Variants in GALK2 observed in about 807,000 individuals in gnomAD.
GALK2 encodes galactokinase 2.
A neutral mutation model predicts 52.4 loss-of-function variants in GALK2; 36 were observed. The ratio of observed to expected loss-of-function variants is 0.69; its 90% CI spans 0.53 to 0.91. The LOEUF is 0.91. Among genes scored for constraint, GALK2 ranks in the 40% least tolerant of loss-of-function variants. The probability of loss-of-function intolerance (pLI) is 0.00; values close to 1 mark genes in which losing one functional copy is unlikely to be tolerated. For synonymous variants in GALK2, 176 were observed against 199.1 expected (o/e 0.88, Z 0.98); for missense variants, 579 against 559.1 (o/e 1.04, Z -0.36).
At chr15:49,345,368 CATG>C (rs75715108) in intron 3 of GALK2, among the ~76,000 whole-genome samples, 8,435 of 152,218 alleles carry the variant, frequency 0.055, 334 homozygotes, top group Middle Eastern at 0.095. Context: ...TGCTGGGCTG[CATG>C]ATGTTGGTGT....
intron 3 of GALK2, among the ~76,000 whole-genome samples, chr15:49,345,835 C>A (rs1239461169): frequency 6.6e-6 from 1 of 152,094 alleles, no homozygotes; most frequent in African/African-American, 2.4e-5. Flanking sequence ...ATTGTAGGAT[C>A]CAATTTAATT....
chr15:49,202,041 T>A (rs2087824573), intron 2 of GALK2, among the ~76,000 whole-genome samples: 1 of 152,218 alleles, frequency 6.6e-6, no homozygotes, highest in Non-Finnish European at 1.5e-5. Context: ...TTTGCTCTTA[T>A]TGCCCAGGCT....
At chr15:49,235,146 A>G (rs1020521310) in intron 3 of GALK2, among the ~76,000 whole-genome samples, 1 of 152,118 alleles carries the variant, frequency 6.6e-6, no homozygotes. Flanking sequence ...TCACATTTTT[A>G]CTAAGTTTAG....
At chr15:49,159,575 CA>C (rs71458473) in intron 1 of GALK2, among the ~76,000 whole-genome samples, 34,104 of 129,730 alleles carry the variant, frequency 0.26, 4,386 homozygotes, top group Non-Finnish European at 0.34. Context: ...GACTCTGTCT[CA>C]AAAAAAAAAA....
chr15:49,353,744 T>C (rs1336702801), intron 3 of GALK2: 2 of 152,008 alleles, frequency 1.3e-5, no homozygotes, highest in East Asian at 1.9e-4. Context: ...CTTGTATATA[T>C]TGGAAAAATA....
chr15:49,331,826 T>G lies in GALK2; in HGVS notation c.*3667T>G. On this transcript the variant is annotated 3_prime_UTR_variant, in exon 10 of 10. Transcript: ENST00000560031. ...AAAGTCCTGTTTCACTTCATGAGGT[T>G]TCTTGGTAGCCTTTGCTTGGAGTCT... 6.2e-7 allele frequency: 1 copy of G among 1,611,386 alleles called. No homozygotes were observed. The highest frequency in any genetic ancestry group is 8.5e-7 in the Non-Finnish European group (1 of 1,177,590).
intron 3 of GALK2, chr15:49,366,705 G>C (rs1368631332): frequency 1.5e-6 from 2 of 1,344,636 alleles, no homozygotes; most frequent in East Asian, 2.3e-5. Context: ...GGTGGCGGGT[G>C]GGGTGGCGCG....
chr15:49,328,892 T>C lies in GALK2; in HGVS notation c.*733T>C. 7.9e-7 allele frequency: 1 copy of C among 1,269,660 alleles called. No homozygotes were observed. Among genetic ancestry groups the C allele is most frequent in the South Asian group, 2.9e-5 (1 of 34,472 alleles). The allele number at this position is 1,269,660 out of a possible 1,614,324, so 78.6% of individuals were successfully genotyped here. A position where few individuals can be genotyped will look rare whatever the true frequency, so the allele number is the denominator to read the frequency against. ...TCAATTCTTTTGGCCCTGAGCTATC[T>C]CCATTACTTAATAGAAAAACTTAGA... On this transcript the variant is annotated 3_prime_UTR_variant, in exon 10 of 10. Coordinates refer to ENST00000560031, the MANE Select transcript of GALK2 (RefSeq NM_002044.4).
chr15:49,175,155 A>G (rs979241177), intron 1 of GALK2, among the ~76,000 whole-genome samples: 2 of 152,352 alleles, frequency 1.3e-5, no homozygotes, highest in East Asian at 3.9e-4. Context: ...AGGTTTTAGC[A>G]TTAAAATGAG....
chr15:49,175,202 A>G (rs1387980952), intron 1 of GALK2, among the ~76,000 whole-genome samples: 1 of 152,180 alleles, frequency 6.6e-6, no homozygotes, highest in Non-Finnish European at 1.5e-5. Context: ...GAGCTATAGG[A>G]CACAAAGACA....
chr15:49,337,298 C>T (rs1271111085), intron 3 of GALK2, among the ~76,000 whole-genome samples: 4 of 152,134 alleles, frequency 2.6e-5, no homozygotes, highest in Non-Finnish European at 4.4e-5. Flanking sequence ...AACTAATTTA[C>T]GTTCCCACCA....
chr15:49,190,287 G>T (rs190163186), intron 1 of GALK2, among the ~76,000 whole-genome samples: 5 of 152,172 alleles, frequency 3.3e-5, no homozygotes, highest in African/African-American at 1.2e-4. Flanking sequence ...CAATGCAAAT[G>T]ATTTTTTTTT....
upstream of GALK2, among the ~76,000 whole-genome samples, chr15:49,166,156 G>C (rs993562824): frequency 6.6e-6 from 1 of 152,120 alleles, no homozygotes; most frequent in Non-Finnish European, 1.5e-5. Flanking sequence ...ACCACACTTT[G>C]AGTAGAAAAA....
At chr15:49,300,721 C>T (rs540597848) in intron 8 of GALK2, among the ~76,000 whole-genome samples, 1 of 152,240 alleles carries the variant, frequency 6.6e-6, no homozygotes, top group South Asian at 2.1e-4. Context: ...CCAACCTTCA[C>T]TTGGCACTTC....
chr15:49,347,302 T>C (rs2041648966), intron 3 of GALK2, among the ~76,000 whole-genome samples: 1 of 152,202 alleles, frequency 6.6e-6, no homozygotes, highest in African/African-American at 2.4e-5. Context: ...AGTGACAACA[T>C]TTTTGAAGTA....
intron 7 of GALK2, among the ~76,000 whole-genome samples, chr15:49,289,289 G>A (rs565033038): frequency 2.6e-5 from 4 of 152,298 alleles, no homozygotes; most frequent in African/African-American, 4.8e-5. Context: ...TGAAGAAAAG[G>A]TGTTGAGTCA....
chr15:49,263,469 A>C (rs1339799381), intron 5 of GALK2, among the ~76,000 whole-genome samples: 2 of 103,692 alleles, frequency 1.9e-5, no homozygotes, highest in African/African-American at 4.3e-5. Flanking sequence ...GTGTCTCTGC[A>C]CATGAGATGG....
chr15:49,242,080 C>T (rs1459650187), intron 5 of GALK2, among the ~76,000 whole-genome samples: 1 of 151,676 alleles, frequency 6.6e-6, no homozygotes, highest in African/African-American at 2.4e-5. Flanking sequence ...GTAATTTGTT[C>T]AGTCTTTAAT....
chr15:49,195,097 T>C (rs984723274), intron 1 of GALK2: 13 of 453,092 alleles, frequency 2.9e-5, no homozygotes, highest in African/African-American at 1.4e-4. Context: ...GGAGTCTCGC[T>C]CTGTCACCTG....
Sources: gnomAD v4.1 joint callset for allele counts (sites outside exome capture counted in the v4.1 genomes callset) on GRCh38, gnomAD v4.1.1 for gene constraint, MANE v1.5 for transcripts, NCBI Gene and HGNC (gene_info 2026-07-23, HGNC 2026-07-21) for gene names.